The following GBP2 variants were observed in gnomAD, a reference collection of about 807,000 sequenced individuals.
GBP2 encodes the protein guanylate-binding protein 2.
Under a neutral mutation model 60.8 loss-of-function variants are expected in GBP2, and 54 were observed. The observed-to-expected ratio is 0.89, with a 90% confidence interval of 0.71 to 1.11. The LOEUF is 1.11. Ranked by LOEUF, GBP2 falls within the 50% of genes most tolerant of loss-of-function variation. GBP2 has a pLI of 0.00. For missense variants in GBP2, 665 were observed against 703.3 expected, an observed-to-expected ratio of 0.95 and a Z score of 0.62; for synonymous variants, 243 against 256.5, an observed-to-expected ratio of 0.95 and a Z score of 0.50.
At position 89,123,354 on chromosome 1, in the gene GBP2, A is replaced by G. The variant is rs373783689; in HGVS notation, c.-17-1371T>C. Among the ~76,000 whole-genome samples the G allele has an allele frequency of 3.5e-4, 54 of 152,242 alleles. 5 individuals are homozygous for G. The highest frequency in any genetic ancestry group is 9.2e-4 in the Admixed American group (14 of 15,300). On this transcript the variant is annotated intron_variant, in intron 1 of 10. Coordinates refer to ENST00000370466, the MANE Select transcript of GBP2 (RefSeq NM_004120.5). ...CCAGCACATGAATACACACATCTACATTTATTTCTCGTCTATCTGTTTCTA... is the reference window on the plus strand; with the variant it reads ...CCAGCACATGAATACACACATCTACGTTTATTTCTCGTCTATCTGTTTCTA...
intron 3 of GBP2, among the ~76,000 whole-genome samples, chr1:89,120,799 G>C (rs904831133): frequency 2.6e-5 from 4 of 152,148 alleles, no homozygotes; most frequent in Middle Eastern, 6.8e-3. Flanking sequence ...ACCTTTGTGG[G>C]ATCCCACTGT....
chr1:89,122,023 T>TA, intron 1 of GBP2, 40 bp from the exon 2 acceptor site: 5 of 1,485,054 alleles, frequency 3.4e-6, no homozygotes, highest in Non-Finnish European at 4.6e-6. Context: ...AAGCAGTTTT[T>TA]AGGTAGTTAG....
In GBP2 at chr1:89,117,706, A is replaced by T; in HGVS notation, c.496T>A (p.Ser166Thr). 6.2e-7 allele frequency: 1 copy of T among 1,614,138 alleles called. No individual in the cohort carries two copies. Among genetic ancestry groups the T allele is most frequent in the Non-Finnish European group, 8.5e-7 (1 of 1,179,974 alleles). Residue 166 changes from serine (S) to threonine (T), a missense_variant, in exon 5 of 11, where the codon TCA becomes ACA. Transcript: ENST00000370466. Reference protein sequence around the residue: ...SSPGNNSVDDSADFVSFFPAF... With the variant: ...SSPGNNSVDDTADFVSFFPAF... Reference sequence around the variant, plus strand: ...GGAAAAAAGCTCACAAAGTCAGCTGAGTCGTCTACAGAATTGTTACCAGGT... The same window carrying T: ...GGAAAAAAGCTCACAAAGTCAGCTGTGTCGTCTACAGAATTGTTACCAGGT...
intron 6 of GBP2, among the ~76,000 whole-genome samples, chr1:89,115,341 C>T (rs966531078): frequency 1.3e-5 from 2 of 152,170 alleles, no homozygotes; most frequent in Non-Finnish European, 2.9e-5. Context: ...CTGCAAATAG[C>T]ATCCATCCTC....
rs945389409 is a variant in GBP2, at chr1:89,110,396, A to G, written c.1363-130T>C. The G allele has an allele frequency of 4.3e-6, 3 of 694,840 alleles. No individual in the cohort carries two copies. The African/African-American group carries it at 5.5e-5, about 13-fold the overall frequency. 43.0% of individuals were successfully genotyped at this position (694,840 alleles called of 1,614,324 possible). A position where few individuals can be genotyped will look rare whatever the true frequency, so the allele number is the denominator to read the frequency against. Reference sequence around the variant, plus strand: ...AAAAGATACTTGCATACGCATGTTTATAGCAGCACAATTCGCAATTGTAAA... The same window carrying G: ...AAAAGATACTTGCATACGCATGTTTGTAGCAGCACAATTCGCAATTGTAAA... On this transcript the variant is annotated intron_variant, in intron 8 of 10. Transcript: ENST00000370466.
intron 6 of GBP2, among the ~76,000 whole-genome samples, chr1:89,114,765 T>C (rs1309622043): frequency 2.6e-5 from 4 of 152,166 alleles, no homozygotes; most frequent in African/African-American, 9.7e-5. Flanking sequence ...CTCATCGAGT[T>C]TGCCAGGGCT....
intron 6 of GBP2, among the ~76,000 whole-genome samples, chr1:89,116,133 C>T (rs1681266936): frequency 6.6e-6 from 1 of 152,050 alleles, no homozygotes; most frequent in South Asian, 2.1e-4. Flanking sequence ...CAGACTCAGC[C>T]AGCTGAGTAG....
chr1:89,110,628 A>G (rs568317222), intron 8 of GBP2, among the ~76,000 whole-genome samples: 8 of 152,306 alleles, frequency 5.3e-5, no homozygotes, highest in African/African-American at 1.4e-4. Context: ...AAAACCAAAC[A>G]TCCTATGTTC....
chr1:89,111,731 CTT>C (rs1448127890), intron 8 of GBP2, among the ~76,000 whole-genome samples: 2 of 152,054 alleles, frequency 1.3e-5, no homozygotes, highest in Non-Finnish European at 2.9e-5. Flanking sequence ...GAGCATAAAA[CTT>C]GATGGCACAA....
chr1:89,113,767 CAG>C (rs1681212240), intron 7 of GBP2, among the ~76,000 whole-genome samples: 3 of 152,128 alleles, frequency 2.0e-5, no homozygotes, highest in Admixed American at 2.0e-4. Flanking sequence ...TTTAACAATG[CAG>C]TTGTACCATC....
At chr1:89,118,336 C>G (rs1032406727) in intron 4 of GBP2, 3 of 152,368 alleles carry the variant, frequency 2.0e-5, no homozygotes, top group Non-Finnish European at 2.9e-5. Context: ...ACATTGCAGA[C>G]AGAGATCACA....
Position 89,120,965 on chromosome 1 carries a change from T to C in GBP2, c.318+178A>G, listed in dbSNP as rs530236125. 2.2e-4 allele frequency among the ~76,000 whole-genome samples: 34 copies of C among 152,308 alleles called. 1 individual carries two copies. The highest frequency in any genetic ancestry group is 8.2e-4 in the African/African-American group (34 of 41,574). On this transcript the variant is annotated intron_variant, in intron 3 of 10. Transcript: ENST00000370466. Reference sequence around the variant, plus strand: ...ACCCATAATTAATCAATTGAACTTATTGTGTACTCTGAATGCTTATACCAC... The same window carrying C: ...ACCCATAATTAATCAATTGAACTTACTGTGTACTCTGAATGCTTATACCAC...
chr1:89,121,746 AG>A (rs1423605755), intron 2 of GBP2, 30 bp downstream of exon 2: 2 of 1,605,328 alleles, frequency 1.2e-6, no homozygotes, highest in Non-Finnish European at 1.7e-6. Flanking sequence ...TACGGACAGA[AG>A]GGGCTTAGAG....
chr1:89,117,709 C>G lies in GBP2; in HGVS notation c.493G>C (p.Asp165His). ...NSSPGNNSVD[D>H]SADFVSFFPA... ...AAAAAGCTCACAAAGTCAGCTGAGT[C>G]GTCTACAGAATTGTTACCAGGTGAG... Residue 165 changes from aspartate to histidine, a missense_variant, in exon 5 of 11, where the codon GAC becomes CAC. Asp to His is a moderately conservative substitution (Grantham distance 81, BLOSUM62 -1). Transcript: ENST00000370466. 2 of 1,614,024 alleles carry G rather than the reference C, an allele frequency of 1.2e-6. No individual in the cohort carries two copies. The highest frequency in any genetic ancestry group is 2.7e-5 in the African/African-American group (2 of 75,024).
Position 89,112,695 on chromosome 1 carries a change from A to C in GBP2, c.1150-11T>G. On this transcript the variant is annotated splice_polypyrimidine_tract_variant and intron_variant, in intron 7 of 10. Transcript: ENST00000370466. ...TGCTTCCAACTGGGCCTGTGAAGTGACAAAACAGCACAGATGTTTCAGTAA... is the reference window on the plus strand; with the variant it reads ...TGCTTCCAACTGGGCCTGTGAAGTGCCAAAACAGCACAGATGTTTCAGTAA... The C allele has an allele frequency of 6.3e-7, 1 of 1,595,602 alleles. No individual in the cohort carries two copies. The highest frequency in any genetic ancestry group is 8.6e-7 in the Non-Finnish European group (1 of 1,163,110).
At position 89,121,842 on chromosome 1, in the gene GBP2, G is replaced by GCCA. The variant is rs756439581; in HGVS notation, c.122_124dup (p.Val41dup). ...GCCTGTGCGATAGAGGCCCACAATC[G>GCCA]CCACCACCACCACAGGCTGCGTAAT... On this transcript the variant is annotated inframe_insertion, in exon 2 of 11. Transcript: ENST00000370466. 6.2e-7 allele frequency: 1 copy of GCCA among 1,613,924 alleles called. No individual in the cohort carries two copies. The highest frequency in any genetic ancestry group is 8.5e-7 in the Non-Finnish European group (1 of 1,179,946).
chr1:89,123,609 G>C (rs1281621945), intron 1 of GBP2, among the ~76,000 whole-genome samples: 1 of 152,176 alleles, frequency 6.6e-6, no homozygotes, highest in Non-Finnish European at 1.5e-5. Context: ...AAAAGTTCTT[G>C]TCTTTGGTCT....
chr1:89,110,939 A>C (rs1204105456), intron 8 of GBP2, among the ~76,000 whole-genome samples: 2 of 152,360 alleles, frequency 1.3e-5, no homozygotes, highest in East Asian at 3.9e-4. Context: ...TCAACAATAC[A>C]TTAAAAGGAT....
chr1:89,109,146 C>T (rs557685433), intron 10 of GBP2, among the ~76,000 whole-genome samples: 6 of 152,174 alleles, frequency 3.9e-5, no homozygotes, highest in Non-Finnish European at 5.9e-5. Context: ...CCGCCCCCGT[C>T]GGCCTCCCAA....
Sources: allele counts gnomAD v4.1 joint callset (sites outside exome capture counted in the v4.1 genomes callset), GRCh38; gene constraint gnomAD v4.1.1; transcripts MANE v1.5; gene names NCBI Gene and HGNC (gene_info 2026-07-23, HGNC 2026-07-21).